SEM1: variants seen among roughly 807,000 people sequenced by gnomAD.
SEM1 encodes the protein 26S proteasome complex subunit SEM1.
In SEM1, 3 loss-of-function variants were observed where a neutral mutation model predicts 12.7. That is an observed-to-expected ratio of 0.24 (90% CI 0.11 to 0.61). The LOEUF is 0.61. SEM1 is among the 20% of genes least tolerant of loss of function. The probability of loss-of-function intolerance (pLI) is 0.88; values close to 1 mark genes in which losing one functional copy is unlikely to be tolerated. For missense variants in SEM1, 59 were observed against 81.3 expected (o/e 0.73, Z 1.06); for synonymous variants, 30 against 27.8 (o/e 1.08, Z -0.25).
At chr7:96,694,774 A>G in intron 2 of SEM1, 24 bp downstream of exon 2, 1 of 1,447,436 alleles carries the variant, frequency 6.9e-7, no homozygotes, top group South Asian at 1.2e-5. Context: ...CTGAACTACA[A>G]TAAAAATCTG....
At chr7:96,532,493 C>T (rs1327941183) in intron 2 of SEM1, among the ~76,000 whole-genome samples, 2 of 152,054 alleles carry the variant, frequency 1.3e-5, no homozygotes, top group East Asian at 1.9e-4. Context: ...CTTTCATAGG[C>T]CCTCAGATAT....
intron 2 of SEM1, among the ~76,000 whole-genome samples, chr7:96,626,864 T>G (rs1330175184): frequency 6.6e-6 from 1 of 152,116 alleles, no homozygotes; most frequent in Admixed American, 6.5e-5. Flanking sequence ...GAATTGGTAT[T>G]AGTTCTTCTT....
chr7:96,709,380 G>A (rs1293163749), intron 1 of SEM1, among the ~76,000 whole-genome samples: 2 of 152,186 alleles, frequency 1.3e-5, no homozygotes, highest in Admixed American at 6.5e-5. Context: ...AAGTTTAAGT[G>A]GTGAGTAACC....
downstream of SEM1, among the ~76,000 whole-genome samples, chr7:96,619,049 A>G (rs1262085865): frequency 6.6e-6 from 1 of 152,164 alleles, no homozygotes; most frequent in Non-Finnish European, 1.5e-5. Flanking sequence ...TTTTCATCTA[A>G]TTAAGCTTCT....
chr7:96,561,989 A>T (rs1805702696), intron 2 of SEM1, among the ~76,000 whole-genome samples: 1 of 152,218 alleles, frequency 6.6e-6, no homozygotes, highest in Non-Finnish European at 1.5e-5. Flanking sequence ...CAACTGTAGC[A>T]CAGAATAAGG....
At chr7:96,590,000 G>A (rs953488529) in intron 2 of SEM1, among the ~76,000 whole-genome samples, 2 of 151,988 alleles carry the variant, frequency 1.3e-5, no homozygotes, top group Non-Finnish European at 2.9e-5. Context: ...TATTTTACTA[G>A]AATGCAAAAA....
At chr7:96,483,606 G>A (rs1345175729) in exon 4 of SEM1, 2 of 472,018 alleles carry the variant, frequency 4.2e-6, no homozygotes. Context: ...AGAAGTCACT[G>A]TCTGAAACAT....
At chr7:96,677,509 A>G (rs1207022994) in intron 2 of SEM1, among the ~76,000 whole-genome samples, 1 of 152,196 alleles carries the variant, frequency 6.6e-6, no homozygotes, top group Non-Finnish European at 1.5e-5. Context: ...TGCAAGCAAC[A>G]CAAGACAACT....
At chr7:96,702,766 T>C (rs1790308396) in intron 1 of SEM1, among the ~76,000 whole-genome samples, 1 of 152,316 alleles carries the variant, frequency 6.6e-6, no homozygotes, top group East Asian at 1.9e-4. Context: ...TAATAGTGAT[T>C]GAAGTGAACA....
intron 2 of SEM1, among the ~76,000 whole-genome samples, chr7:96,577,332 AAAG>A (rs1806239535): frequency 1.3e-5 from 2 of 152,280 alleles, no homozygotes; most frequent in Admixed American, 6.5e-5. Context: ...AAGCCTGCTC[AAAG>A]AAGAAGGTTT....
chr7:96,684,077 TGTCCTA>T (rs2115745960), downstream of SEM1, among the ~76,000 whole-genome samples: 1 of 152,194 alleles, frequency 6.6e-6, no homozygotes, highest in East Asian at 1.9e-4. Flanking sequence ...CAGGAGGCCT[TGTCCTA>T]GAGCAAGTTC....
chr7:96,551,244 A>C (rs1475680452), intron 2 of SEM1, among the ~76,000 whole-genome samples: 1 of 152,180 alleles, frequency 6.6e-6, no homozygotes, highest in Non-Finnish European at 1.5e-5. Context: ...AATAGGTTGA[A>C]TGGTGCACCC....
At chr7:96,582,940 T>G (rs1806470451) in intron 2 of SEM1, among the ~76,000 whole-genome samples, 1 of 152,200 alleles carries the variant, frequency 6.6e-6, no homozygotes, top group African/African-American at 2.4e-5. Context: ...GATTCATTAA[T>G]TTTTTGAAGG....
At chr7:96,688,178 T>C (rs913566230), downstream of SEM1, 1 of 152,166 alleles carries the variant, frequency 6.6e-6, no homozygotes, top group Non-Finnish European at 1.5e-5. Context: ...ACAAAAGTGA[T>C]GTGGCAACAG....
At chr7:96,482,605 A>C (rs1344744121) in exon 4 of SEM1, 1 of 152,216 alleles carries the variant, frequency 6.6e-6, no homozygotes, top group African/African-American at 2.4e-5. Flanking sequence ...CACTTGGTAC[A>C]GGAATTCCTG....
intron 1 of SEM1, chr7:96,706,275 G>T (rs1422525905): frequency 6.6e-6 from 1 of 152,076 alleles, no homozygotes; most frequent in Non-Finnish European, 1.5e-5. Flanking sequence ...CTATTGAGAA[G>T]AAACTATGCT....
intron 1 of SEM1, among the ~76,000 whole-genome samples, chr7:96,703,621 A>G (rs890890172): frequency 6.6e-6 from 1 of 151,526 alleles, no homozygotes; most frequent in African/African-American, 2.4e-5. Flanking sequence ...CCCTAAAGCT[A>G]TAAGGTTATT....
At chr7:96,658,028 T>C (rs1242177579) in intron 2 of SEM1, among the ~76,000 whole-genome samples, 1 of 152,164 alleles carries the variant, frequency 6.6e-6, no homozygotes, top group Non-Finnish European at 1.5e-5. Flanking sequence ...AAAAGTGCTA[T>C]TTTAAGCATG....
intron 2 of SEM1, among the ~76,000 whole-genome samples, chr7:96,627,753 A>G (rs1782070062): frequency 6.6e-6 from 1 of 152,166 alleles, no homozygotes; most frequent in Non-Finnish European, 1.5e-5. Flanking sequence ...CAGCCACTGG[A>G]TGAAATGTTC....
Sources: gnomAD v4.1 joint callset for allele counts (sites outside exome capture counted in the v4.1 genomes callset) on GRCh38, gnomAD v4.1.1 for gene constraint, MANE v1.5 for transcripts, NCBI Gene and HGNC (gene_info 2026-07-23, HGNC 2026-07-21) for gene names.